The following RASGRP2 variants were observed in gnomAD, a reference collection of about 807,000 sequenced individuals.
RASGRP2 encodes RAS guanyl-releasing protein 2.
RASGRP2 carries 44 observed loss-of-function variants against 71.0 expected under a neutral mutation model. The observed-to-expected ratio is 0.62, with a 90% CI of 0.49 to 0.80. RASGRP2 has a LOEUF of 0.80. RASGRP2 is among the 30% of genes least tolerant of loss of function. The probability of loss-of-function intolerance (pLI) is 0.00; values close to 1 mark genes in which losing one functional copy is unlikely to be tolerated. For missense variants in RASGRP2, 663 were observed against 813.4 expected (o/e 0.82, Z 2.25); for synonymous variants, 350 against 330.7 (o/e 1.06, Z -0.63).
chr11:64,729,663 A>T, intron 14 of RASGRP2, 99 bp downstream of exon 14: 1 of 1,416,636 alleles, frequency 7.1e-7, no homozygotes, highest in Non-Finnish European at 9.9e-7. Context: ...AAGGTACTTC[A>T]CTCCTTGGCA....
rs576508997 is a variant in RASGRP2 at position 64,735,758 on chromosome 11, T to G, written c.1174-94A>C. The G allele has an allele frequency of 5.9e-6, 9 of 1,514,906 alleles. No individual in the cohort carries two copies. In the East Asian group the frequency reaches 1.7e-4, roughly 28 times the overall value. The allele number at this position is 1,514,906 out of a possible 1,614,324, so 93.8% of individuals were successfully genotyped here. On this transcript the variant is annotated intron_variant, in intron 10 of 16. Coordinates refer to ENST00000394432, the MANE Select transcript of RASGRP2 (RefSeq NM_001098671.2). This position sits in a 1 kb window ranked among gnomAD's most constrained non-coding sequence, Gnocchi z 4.2. ...GGGGAATCCCTGGGAGAGGGAAGTC[T>G]GCCCAACACTACTGCCCTACCCCCA...
chr11:64,737,962 C>T (rs866589739), intron 8 of RASGRP2, among the ~76,000 whole-genome samples: 2 of 151,694 alleles, frequency 1.3e-5, no homozygotes, highest in Admixed American at 6.6e-5. Context: ...ACGAGAATCA[C>T]GTAAACCCAG....
At position 64,744,049 on chromosome 11, in the gene RASGRP2, C is replaced by T. The variant is rs2058230735; in HGVS notation, c.-118G>A. 4.0e-6 allele frequency: 4 copies of T among 988,454 alleles called. No individual in the cohort carries two copies. The highest frequency in any genetic ancestry group is 4.5e-5 in the South Asian group (1 of 22,314). The allele number at this position is 988,454 out of a possible 1,614,324, so 61.2% of individuals were successfully genotyped here. ...GCAAACCCGCGGACGAGGTCGCCTC[C>T]TGGACGTGCTGTTCACTTGAGCCAG... On this transcript the variant is annotated 5_prime_UTR_variant, in exon 1 of 17. Coordinates refer to ENST00000394432, the MANE Select transcript of RASGRP2 (RefSeq NM_001098671.2).
upstream of RASGRP2, chr11:64,744,755 C>T (rs1305818686): frequency 6.6e-6 from 1 of 150,538 alleles, no homozygotes; most frequent in African/African-American, 2.4e-5. Flanking sequence ...TGGGACCTGC[C>T]GCAAGGAGCC....
chr11:64,741,460 A>C lies in RASGRP2; in HGVS notation c.218T>G (p.Val73Gly). ...TCACCTGACCAGGTGGCACGTTTTCACCTGCAGGGAATTGGAGTTGTCCTT... is the reference window on the plus strand; with the variant it reads ...TCACCTGACCAGGTGGCACGTTTTCCCCTGCAGGGAATTGGAGTTGTCCTT... Reference protein sequence around the residue: ...SRKDNSNSLQVKTCHLVRYWI... With the variant: ...SRKDNSNSLQGKTCHLVRYWI... Residue 73 changes from valine (V) to glycine (G), a missense_variant, in exon 4 of 17, where the codon GTG (valine) becomes GGG (glycine). Coordinates refer to ENST00000394432, the MANE Select transcript of RASGRP2 (RefSeq NM_001098671.2). The C allele has an allele frequency of 1.9e-6, 3 of 1,576,360 alleles. No homozygotes were observed. Among genetic ancestry groups the C allele is most frequent in the Non-Finnish European group, 2.6e-6 (3 of 1,159,432 alleles).
rs1303175153 is a variant in RASGRP2 at position 64,735,395 on chromosome 11, C to T, written c.1296+147G>A. ...ACCCCCACCCTACCCAGGGGCACTT[C>T]AGCCCCGTGCAGCTGGCCTGCCAGG... On this transcript the variant is annotated intron_variant, in intron 11 of 16. Transcript: ENST00000394432. The surrounding 1 kb of genome is among the most constrained non-coding windows in gnomAD (Gnocchi z 4.2). 5.3e-5 allele frequency: 78 copies of T among 1,458,094 alleles called. No individual in the cohort carries two copies. The highest frequency in any genetic ancestry group is 7.3e-5 in the Non-Finnish European group (76 of 1,047,874). 90.3% of individuals were successfully genotyped at this position (1,458,094 alleles called of 1,614,324 possible). A position where few individuals can be genotyped will look rare whatever the true frequency, so the allele number is the denominator to read the frequency against.
chr11:64,735,673 A>G lies in RASGRP2; in HGVS notation c.1174-9T>C, dbSNP rs534871335. 4 of 1,607,448 alleles carry G rather than the reference A, an allele frequency of 2.5e-6. No individual in the cohort carries two copies. The East Asian group carries it at 6.7e-5, about 27-fold the overall frequency. Reference sequence around the variant, plus strand: ...CTCGTGGGGCTGGTTGGCTATGGAAATGGTCGGGCCTGAGCTAGGGCCAGA... The same window carrying G: ...CTCGTGGGGCTGGTTGGCTATGGAAGTGGTCGGGCCTGAGCTAGGGCCAGA... On this transcript the variant is annotated splice_polypyrimidine_tract_variant and intron_variant, in intron 10 of 16. Transcript: ENST00000394432. The surrounding 1 kb of genome is among the most constrained non-coding windows in gnomAD (Gnocchi z 4.2).
intron 12 of RASGRP2, among the ~76,000 whole-genome samples, chr11:64,734,749 A>C (rs1028483313): frequency 1.1e-4 from 16 of 152,186 alleles, no homozygotes; most frequent in African/African-American, 3.9e-4. Context: ...GGGTACTGCT[A>C]ATTACAAACC....
intron 9 of RASGRP2, 98 bp from the exon 10 acceptor site, chr11:64,736,078 C>A: frequency 1.1e-6 from 1 of 933,130 alleles, no homozygotes; most frequent in East Asian, 2.5e-5. Context: ...CAGCTCAGAG[C>A]TCGGGTCAGA....
chr11:64,742,198 G>T lies in RASGRP2; in HGVS notation c.74-86C>A. On this transcript the variant is annotated intron_variant, in intron 2 of 16. Transcript: ENST00000394432. This position sits in a 1 kb window ranked among gnomAD's most constrained non-coding sequence, Gnocchi z 4.7. ...CTCACCCCGCAACCCGCCAGGTATC[G>T]GTCCTTCGGGTGCACGCTCGACCCC... 2.9e-6 allele frequency: 3 copies of T among 1,044,576 alleles called. No individual in the cohort carries two copies. Among genetic ancestry groups the T allele is most frequent in the Non-Finnish European group, 4.4e-6 (3 of 685,690 alleles). 64.7% of individuals were successfully genotyped at this position (1,044,576 alleles called of 1,614,324 possible).
In RASGRP2 at chr11:64,735,557, G is replaced by C; in HGVS notation, c.1281C>G (p.Ile427Met). The C allele has an allele frequency of 6.2e-7, 1 of 1,614,042 alleles. No individual in the cohort carries two copies. The highest frequency in any genetic ancestry group is 8.5e-7 in the Non-Finnish European group (1 of 1,179,972). The change falls in exon 11 of 17, where the codon ATC (isoleucine) becomes ATG (methionine). Residue 427 changes from isoleucine (I) to methionine (M), a missense_variant. By Grantham distance (10) the Ile-to-Met change is conservative. Coordinates refer to ENST00000394432, the MANE Select transcript of RASGRP2 (RefSeq NM_001098671.2). The surrounding 1 kb of genome is among the most constrained non-coding windows in gnomAD (Gnocchi z 4.2). Reference protein sequence around the residue: ...KLDQALVVEHIEKMVESVFRN... With the variant: ...KLDQALVVEHMEKMVESVFRN... ...AGGAGCTCACCTCCACCATCTTCTC[G>C]ATGTGCTCCACCACGAGGGCCTGAT...
chr11:64,742,997 G>A lies in RASGRP2; in HGVS notation c.-71-60C>T, dbSNP rs750644775. On this transcript the variant is annotated intron_variant, in intron 1 of 16. Transcript: ENST00000394432. This position sits in a 1 kb window ranked among gnomAD's most constrained non-coding sequence, Gnocchi z 4.7. ...GTCGCGGGCGGGGGAGCGGCCCCGC[G>A]GGCAGAAACGGGGCGGGGCGGGCAC... is the stretch of plus-strand genomic sequence containing the variant. 33 of 1,489,006 alleles carry A rather than the reference G, an allele frequency of 2.2e-5. No individual in the cohort carries two copies. Among genetic ancestry groups the A allele is most frequent in the Non-Finnish European group, 5.4e-6 (6 of 1,116,638 alleles). The allele number at this position is 1,489,006 out of a possible 1,614,324, so 92.2% of individuals were successfully genotyped here.
At chr11:64,727,192 CCTGG>C (rs1465028744) in intron 16 of RASGRP2, 61 bp from the exon 17 acceptor site, 1 of 990,096 alleles carries the variant, frequency 1.0e-6, no homozygotes, top group Non-Finnish European at 1.6e-6. Flanking sequence ...TAGTAGCCCA[CCTGG>C]CTTGGAGCCA....
rs372979935 is a variant in RASGRP2 at position 64,740,943 on chromosome 11, C to T, written c.371+5G>A. 45 of 1,613,870 alleles carry T rather than the reference C, an allele frequency of 2.8e-5. No homozygotes were observed. Among genetic ancestry groups the T allele is most frequent in the Non-Finnish European group, 3.1e-5 (37 of 1,179,994 alleles). On this transcript the variant is annotated splice_donor_5th_base_variant and intron_variant, in intron 5 of 16. Coordinates refer to ENST00000394432, the MANE Select transcript of RASGRP2 (RefSeq NM_001098671.2). ...CCCCCAGCCCTCTGTGCTCCCCCCACGCACACGCTGTCTATGTCGATTAGG... is the reference window on the plus strand; with the variant it reads ...CCCCCAGCCCTCTGTGCTCCCCCCATGCACACGCTGTCTATGTCGATTAGG...
Position 64,742,389 on chromosome 11 carries a change from G to A in RASGRP2, c.74-277C>T, listed in dbSNP as rs766097130. On this transcript the variant is annotated intron_variant, in intron 2 of 16. Transcript: ENST00000394432. This position sits in a 1 kb window ranked among gnomAD's most constrained non-coding sequence, Gnocchi z 4.7. ...GGGGCGGAAGGAGCCTGGGTTCCCC[G>A]GGGTCAAGAATCCAGAGGTCATTTC... The A allele has an allele frequency of 3.4e-5, 20 of 581,454 alleles. No individual in the cohort carries two copies. The highest frequency in any genetic ancestry group is 4.6e-4 in the Middle Eastern group (1 of 2,186). The allele number at this position is 581,454 out of a possible 1,614,324, so 36.0% of individuals were successfully genotyped here.
At chr11:64,731,583 G>A (rs2057771466) in intron 12 of RASGRP2, among the ~76,000 whole-genome samples, 2 of 152,054 alleles carry the variant, frequency 1.3e-5, no homozygotes, top group South Asian at 2.1e-4. Flanking sequence ...CATTAACAGA[G>A]ATTCTAAAAA....
rs1023202531 is a variant in RASGRP2 at position 64,726,926 on chromosome 11, C to A, written c.*212G>T. On this transcript the variant is annotated 3_prime_UTR_variant, in exon 17 of 17. Coordinates refer to ENST00000394432, the MANE Select transcript of RASGRP2 (RefSeq NM_001098671.2). ...GCGCTGATGGTGAAGGTTAATTACA[C>A]GGGCCTTTTTATTCCATCTGGAAAA... The A allele has an allele frequency of 1.9e-5, 4 of 214,044 alleles. No homozygotes were observed. The highest frequency in any genetic ancestry group is 5.1e-5 in the Admixed American group (1 of 19,516). The allele number at this position is 214,044 out of a possible 1,614,324, so 13.3% of individuals were successfully genotyped here. A position where few individuals can be genotyped will look rare whatever the true frequency, so the allele number is the denominator to read the frequency against.
chr11:64,744,165 C>T, upstream of RASGRP2: 1 of 986,668 alleles, frequency 1.0e-6, no homozygotes, highest in Admixed American at 6.1e-5. Context: ...ATGTACACTC[C>T]CACACACATG....
Position 64,742,149 on chromosome 11 carries a change from G to C in RASGRP2, c.74-37C>G, listed in dbSNP as rs1331042109. On this transcript the variant is annotated intron_variant, in intron 2 of 16. Coordinates refer to ENST00000394432, the MANE Select transcript of RASGRP2 (RefSeq NM_001098671.2). The surrounding 1 kb of genome is among the most constrained non-coding windows in gnomAD (Gnocchi z 4.7). ...GGGTCAAAGACAGGTGGCTGAGCTG[G>C]GTCCGCAGCTACCATGCCTCATCCT... 1 of 1,492,758 alleles carries C rather than the reference G, an allele frequency of 6.7e-7. No individual in the cohort carries two copies. The highest frequency in any genetic ancestry group is 1.2e-5 in the South Asian group (1 of 83,150). 92.5% of individuals were successfully genotyped at this position (1,492,758 alleles called of 1,614,324 possible).
Sources: gnomAD v4.1 joint callset for allele counts (sites outside exome capture counted in the v4.1 genomes callset) on GRCh38, gnomAD v4.1.1 for gene constraint, Gnocchi (gnomAD v3.1) non-coding constraint, MANE v1.5 for transcripts, NCBI Gene and HGNC (gene_info 2026-07-23, HGNC 2026-07-21) for gene names.